The following F8 variants were observed in gnomAD, a reference collection of about 807,000 sequenced individuals.
F8 encodes the protein antihemophilic factor.
A neutral mutation model predicts 140.6 loss-of-function variants in F8; 12 were observed. The observed-to-expected ratio is 0.09, with a 90% CI of 0.05 to 0.14. The LOEUF (loss-of-function observed/expected upper bound fraction) is 0.14. Ranked by LOEUF, F8 falls within the 10% of genes least tolerant of loss-of-function variation. The probability of loss-of-function intolerance (pLI) is 1.00; values close to 1 mark genes in which losing one functional copy is unlikely to be tolerated. For missense variants in F8, 1,354 were observed against 1,720.7 expected (o/e 0.79, Z 3.77); for synonymous variants, 585 against 614.6 (o/e 0.95, Z 0.71).
At chrX:154,946,186 C>CA (rs1437581832) in intron 13 of F8, among the ~76,000 whole-genome samples, 3 of 111,763 alleles carry the variant, frequency 2.7e-5, no homozygotes, top group African/African-American at 9.8e-5. Flanking sequence ...AATACCTATC[C>CA]AAATGCCAGT....
intron 22 of F8, among the ~76,000 whole-genome samples, chrX:154,888,408 C>CTTTTTTTTTT (rs1557274896): frequency 0.033 from 1,690 of 51,985 alleles, 34 homozygotes; most frequent in East Asian, 0.072. Context: ...TTTTTTTTTC[C>CTTTTTTTTTT]CCCCGAGATG....
In F8 at chrX:154,979,845, G is replaced by A. The variant is rs782500048; in HGVS notation, c.787+4842C>T. ...GCTTGGGAGAATTGCAGAATCCAGCGTGAGCTCTCTGTTGCAATGCCTTCA... is the reference window on the plus strand; with the variant it reads ...GCTTGGGAGAATTGCAGAATCCAGCATGAGCTCTCTGTTGCAATGCCTTCA... On this transcript the variant is annotated intron_variant, in intron 6 of 25. Coordinates refer to ENST00000360256, the MANE Select transcript of F8 (RefSeq NM_000132.4). 9.0e-4 allele frequency among the ~76,000 whole-genome samples: 100 copies of A among 111,702 alleles called. 1 individual carries two copies. In the Admixed American group the frequency reaches 9.1e-3, roughly 10 times the overall value.
At chrX:154,938,806 AG>A (rs1202541626) in intron 13 of F8, among the ~76,000 whole-genome samples, 3 of 109,907 alleles carry the variant, frequency 2.7e-5, no homozygotes, top group Non-Finnish European at 5.7e-5. Context: ...GTTCCAAAGA[AG>A]TTTCTTCAGA....
At chrX:154,948,599 T>C (rs1212305775) in intron 12 of F8, among the ~76,000 whole-genome samples, 2 of 112,322 alleles carry the variant, frequency 1.8e-5, no homozygotes, top group African/African-American at 3.2e-5. Context: ...AAGTTCCATG[T>C]ATTATTCTTG....
chrX:154,981,748 A>G (rs192159168), intron 6 of F8, among the ~76,000 whole-genome samples: 1 of 111,823 alleles, frequency 8.9e-6, no homozygotes, highest in Non-Finnish European at 1.9e-5. Context: ...GAACTGCATG[A>G]GTCCACTTAT....
intron 5 of F8, among the ~76,000 whole-genome samples, chrX:154,985,389 T>C (rs191499642): frequency 2.7e-5 from 3 of 110,748 alleles, no homozygotes; most frequent in East Asian, 2.8e-4. Flanking sequence ...TGAGCCAAGA[T>C]TGTGCCACTG....
rs782268106 is a variant in F8 at position 154,931,272 on chromosome X, A to G, written c.2518T>C (p.Ser840Pro). The G allele has an allele frequency of 1.1e-5, 13 of 1,209,435 alleles. No homozygotes were observed. The Admixed American group carries it at 2.8e-4, about 26-fold the overall frequency. Reference protein sequence around the residue: ...AKYETFSDDPSPGAIDSNNSL... With the variant: ...AKYETFSDDPPPGAIDSNNSL... ...TTATTACTGTCTATTGCTCCAGGTGATGGATCATCAGAAAAAGTCTCATAT... is the reference window on the plus strand; with the variant it reads ...TTATTACTGTCTATTGCTCCAGGTGGTGGATCATCAGAAAAAGTCTCATAT... Residue 840 changes from serine to proline, a missense_variant, in exon 14 of 26, where the codon TCA becomes CCA. Transcript: ENST00000360256.
chrX:154,909,113 C>T (rs2073052233), intron 14 of F8: 1 of 285,867 alleles, frequency 3.5e-6, no homozygotes, highest in Admixed American at 3.7e-5. Context: ...CTGAAGCCCA[C>T]ATTGTCCCCA....
chrX:154,980,908 C>G (rs782262915), intron 6 of F8, among the ~76,000 whole-genome samples: 2,086 of 112,229 alleles, frequency 0.019, 45 homozygotes, highest in African/African-American at 0.065. Context: ...GAGTTCAAGA[C>G]TGCAGTAATC....
At chrX:154,972,834 GC>G (rs1476081727) in intron 6 of F8, among the ~76,000 whole-genome samples, 1 of 103,658 alleles carries the variant, frequency 9.6e-6, no homozygotes, top group Non-Finnish European at 1.9e-5. Flanking sequence ...TCCTGCCTCA[GC>G]CTCCCAAGTT....
chrX:154,978,001 G>T (rs2073496995), intron 6 of F8, among the ~76,000 whole-genome samples: 1 of 109,322 alleles, frequency 9.1e-6, no homozygotes, highest in East Asian at 2.9e-4. Context: ...CAAAAGATCT[G>T]TATTTCAGTT....
chrX:154,929,317 G>A lies in F8; in HGVS notation c.4473C>T (p.Tyr1491=). 1 of 1,211,903 alleles carries A rather than the reference G, an allele frequency of 8.3e-7. No homozygotes were observed. The highest frequency in any genetic ancestry group is 3.0e-5 in the East Asian group (1 of 33,856). Residue 1491 remains tyrosine, a synonymous_variant, in exon 14 of 26, where the codon TAC becomes TAT. Coordinates refer to ENST00000360256, the MANE Select transcript of F8 (RefSeq NM_000132.4). The part of the protein sequence containing the change: ...LGTSATNSVT[Y]KKVENTVLPK... ...GGAGAACAGTGTTCTCAACTTTCTT[G>A]TATGTGACTGAATTTGTGGCACTTG...
chrX:154,977,390 T>A (rs1171786148), intron 6 of F8: 1 of 112,204 alleles, frequency 8.9e-6, no homozygotes. Flanking sequence ...TGTTTTCATG[T>A]TACACATTAG....
chrX:154,869,199 T>C (rs191200481), intron 22 of F8, among the ~76,000 whole-genome samples: 2 of 111,567 alleles, frequency 1.8e-5, no homozygotes, highest in African/African-American at 6.5e-5. Flanking sequence ...GCAGACCTAA[T>C]AGAGATCTAC....
chrX:154,907,930 T>A (rs1380091427), intron 14 of F8, among the ~76,000 whole-genome samples: 1 of 111,666 alleles, frequency 9.0e-6, no homozygotes, highest in Non-Finnish European at 1.9e-5. Context: ...TTTTATGTTA[T>A]CTTTTGATGA....
At chrX:154,899,988 T>G in intron 20 of F8, 37 bp from the exon 21 acceptor site, 1 of 1,131,466 alleles carries the variant, frequency 8.8e-7, no homozygotes, top group Non-Finnish European at 1.2e-6. Context: ...TAAATTCAGC[T>G]GGGTTAGTCC....
chrX:154,910,050 T>C (rs1179265348), intron 14 of F8, among the ~76,000 whole-genome samples: 3 of 111,706 alleles, frequency 2.7e-5, no homozygotes, highest in African/African-American at 9.8e-5. Flanking sequence ...AGAGACTCCA[T>C]TTTGGTCTGT....
chrX:154,922,679 AT>A (rs1434414493), intron 14 of F8, among the ~76,000 whole-genome samples: 2 of 111,984 alleles, frequency 1.8e-5, no homozygotes, highest in Non-Finnish European at 3.8e-5. Flanking sequence ...CAGGGACATA[AT>A]TTTAAGTAGA....
chrX:154,958,249 T>A (rs782575184), intron 10 of F8, among the ~76,000 whole-genome samples: 2 of 112,091 alleles, frequency 1.8e-5, no homozygotes, highest in South Asian at 3.8e-4. Flanking sequence ...TCCAGTGATA[T>A]ATCCAAGACT....
Sources: gnomAD v4.1 joint callset for allele counts (sites outside exome capture counted in the v4.1 genomes callset) on GRCh38, gnomAD v4.1.1 for gene constraint, MANE v1.5 for transcripts, NCBI Gene and HGNC (gene_info 2026-07-23, HGNC 2026-07-21) for gene names.